The following SSBP3 variants were observed in gnomAD, a reference collection of about 807,000 sequenced individuals.
SSBP3 encodes single stranded DNA binding protein 3, also known as single-stranded DNA-binding protein 3.
In SSBP3, 5 loss-of-function variants were observed where a neutral mutation model predicts 69.6. The ratio of observed to expected loss-of-function variants is 0.07; its 90% CI spans 0.04 to 0.15. The LOEUF (loss-of-function observed/expected upper bound fraction) is 0.15. SSBP3 is among the 10% of genes least tolerant of loss of function. The probability of loss-of-function intolerance (pLI) is 1.00; values close to 1 mark genes in which losing one functional copy is unlikely to be tolerated. For missense variants in SSBP3, 312 were observed against 534.0 expected, an observed-to-expected ratio of 0.58 and a Z score of 4.10; for synonymous variants, 196 against 193.4, an observed-to-expected ratio of 1.01 and a Z score of -0.11.
intron 4 of SSBP3, among the ~76,000 whole-genome samples, chr1:54,364,469 T>C (rs146846870): frequency 7.1e-4 from 108 of 152,344 alleles, no homozygotes; most frequent in African/African-American, 2.5e-3. Flanking sequence ...AGGTCCCACC[T>C]GCCTCCCAAC....
intron 4 of SSBP3, among the ~76,000 whole-genome samples, chr1:54,315,712 G>A (rs376652465): frequency 2.6e-5 from 4 of 151,630 alleles, no homozygotes; most frequent in Admixed American, 6.6e-5. Context: ...CCCAGGCTGG[G>A]CTGCAGTTCC....
intron 4 of SSBP3, among the ~76,000 whole-genome samples, chr1:54,391,158 T>C (rs1051080034): frequency 3.9e-5 from 6 of 152,178 alleles, no homozygotes; most frequent in African/African-American, 1.4e-4. Flanking sequence ...GGAAACTGAG[T>C]GTCTCCTTCT....
At chr1:54,340,820 A>G (rs1010169612) in intron 4 of SSBP3, among the ~76,000 whole-genome samples, 1 of 152,240 alleles carries the variant, frequency 6.6e-6, no homozygotes, top group African/African-American at 2.4e-5. Flanking sequence ...GCAGGCTCCT[A>G]CAAGTAGGTA....
At chr1:54,372,990 CA>C (rs1184305492) in intron 4 of SSBP3, among the ~76,000 whole-genome samples, 2 of 152,180 alleles carry the variant, frequency 1.3e-5, no homozygotes, top group Non-Finnish European at 2.9e-5. Context: ...GTAAAAAATG[CA>C]ATGTCTTTAT....
At chr1:54,398,382 C>T (rs897080221) in intron 4 of SSBP3, among the ~76,000 whole-genome samples, 1 of 152,220 alleles carries the variant, frequency 6.6e-6, no homozygotes, top group Non-Finnish European at 1.5e-5. Context: ...AAATTCCACT[C>T]ATTTCTTGAC....
intron 4 of SSBP3, among the ~76,000 whole-genome samples, chr1:54,373,582 G>A (rs1056551050): frequency 6.6e-6 from 1 of 151,872 alleles, no homozygotes; most frequent in African/African-American, 2.4e-5. Flanking sequence ...TAGACAACAT[G>A]GTGAAACCCC....
chr1:54,412,566 AT>A, intron 1 of SSBP3: 1 of 152,322 alleles, frequency 6.6e-6, no homozygotes. Context: ...TTAGCGTTTA[AT>A]GATAATAGAG....
intron 5 of SSBP3, among the ~76,000 whole-genome samples, chr1:54,269,395 G>A (rs572485317): frequency 9.6e-4 from 146 of 152,244 alleles, no homozygotes; most frequent in Non-Finnish European, 1.6e-3. Context: ...TTATATCCAC[G>A]CTCTCTAACA....
chr1:54,337,967 C>A (rs966188228), intron 4 of SSBP3, among the ~76,000 whole-genome samples: 1 of 152,168 alleles, frequency 6.6e-6, no homozygotes, highest in Non-Finnish European at 1.5e-5. Context: ...CCATCTCTAT[C>A]TTTTAATTTA....
At chr1:54,358,173 A>T (rs1396045091) in intron 4 of SSBP3, among the ~76,000 whole-genome samples, 3 of 152,202 alleles carry the variant, frequency 2.0e-5, no homozygotes, top group Non-Finnish European at 4.4e-5. Context: ...TGGGCACTTA[A>T]CTATGTGCCA....
rs1184440006 is a variant in SSBP3 at position 54,240,067 on chromosome 1, T to C, written c.856+838A>G. Among the ~76,000 whole-genome samples, 15 of 29,092 alleles carry C rather than the reference T, an allele frequency of 5.2e-4. No homozygotes were observed. The South Asian group carries it at 6.0e-3, about 12-fold the overall frequency. 19.1% of individuals were successfully genotyped at this position (29,092 alleles called of 152,430 possible). A position where few individuals can be genotyped will look rare whatever the true frequency, so the allele number is the denominator to read the frequency against. On this transcript the variant is annotated intron_variant, in intron 13 of 17. Transcript: ENST00000610401. The stretch of plus-strand genomic sequence containing the variant: ...GATGGGGTGTGTGTGTGTGTGTGTG[T>C]GTGTGTGTGTGTGTGTGTGTGCGCG...
intron 14 of SSBP3, among the ~76,000 whole-genome samples, chr1:54,234,089 G>C (rs1363736865): frequency 1.3e-5 from 2 of 151,428 alleles, no homozygotes; most frequent in Admixed American, 1.3e-4. Flanking sequence ...TGTCCACTCA[G>C]GGTTAAATGG....
intron 7 of SSBP3, among the ~76,000 whole-genome samples, chr1:54,253,219 G>A (rs1278272928): frequency 4.3e-5 from 6 of 139,024 alleles, no homozygotes; most frequent in Non-Finnish European, 7.6e-5. Flanking sequence ...AGACAGGGTC[G>A]CTTGCTCTGT....
intron 4 of SSBP3, among the ~76,000 whole-genome samples, chr1:54,322,978 G>C (rs564669086): frequency 6.6e-5 from 10 of 152,280 alleles, no homozygotes; most frequent in Admixed American, 5.2e-4. Flanking sequence ...GTACTCCATG[G>C]GTTTCGTTCA....
chr1:54,359,397 TAGTC>T (rs919109678), intron 4 of SSBP3, among the ~76,000 whole-genome samples: 1 of 152,146 alleles, frequency 6.6e-6, no homozygotes, highest in African/African-American at 2.4e-5. Flanking sequence ...GAGACTCTCA[TAGTC>T]AGAAGGGATT....
chr1:54,235,809 A>G (rs951842164), intron 14 of SSBP3, among the ~76,000 whole-genome samples: 10 of 152,210 alleles, frequency 6.6e-5, no homozygotes, highest in Admixed American at 5.9e-4. Context: ...AAATTGTTAT[A>G]AAAAATGATT....
chr1:54,357,682 A>G (rs984572597), intron 4 of SSBP3, among the ~76,000 whole-genome samples: 1 of 152,230 alleles, frequency 6.6e-6, no homozygotes, highest in African/African-American at 2.4e-5. Context: ...CCAGAGGATC[A>G]CTTGAGCCCA....
At chr1:54,361,616 A>T (rs1646953829) in intron 4 of SSBP3, among the ~76,000 whole-genome samples, 1 of 152,058 alleles carries the variant, frequency 6.6e-6, no homozygotes, top group South Asian at 2.1e-4. Context: ...GAGGTGCGGA[A>T]CCTGTTCTCG....
intron 3 of SSBP3, among the ~76,000 whole-genome samples, chr1:54,403,926 C>A (rs1649492146): frequency 6.6e-6 from 1 of 150,650 alleles, no homozygotes; most frequent in African/African-American, 2.4e-5. Context: ...GTTAGAGAGT[C>A]ACAGAGAGTG....
Sources: allele counts gnomAD v4.1 joint callset (sites outside exome capture counted in the v4.1 genomes callset), GRCh38; gene constraint gnomAD v4.1.1; transcripts MANE v1.5; gene names NCBI Gene and HGNC (gene_info 2026-07-23, HGNC 2026-07-21).